The following SH3RF1 variants were observed in gnomAD, a reference collection of about 807,000 sequenced individuals.
SH3RF1 encodes the protein E3 ubiquitin-protein ligase SH3RF1.
SH3RF1 carries 32 observed loss-of-function variants against 74.0 expected under a neutral mutation model. The observed-to-expected ratio is 0.43, with a 90% CI of 0.33 to 0.58. The LOEUF is 0.58. Among genes scored for constraint, SH3RF1 ranks in the 20% least tolerant of loss-of-function variants. The probability of loss-of-function intolerance (pLI) is 0.05; values close to 1 mark genes in which losing one functional copy is unlikely to be tolerated. For missense variants in SH3RF1, 954 were observed against 1,130.9 expected, an observed-to-expected ratio of 0.84 and a Z score of 2.24; for synonymous variants, 396 against 439.6, an observed-to-expected ratio of 0.90 and a Z score of 1.24.
At chr4:169,167,006 G>C (rs1226619642) in intron 2 of SH3RF1, 1 of 214,504 alleles carries the variant, frequency 4.7e-6, no homozygotes, top group African/African-American at 2.3e-5. Flanking sequence ...TGATCAGAAA[G>C]CTGTGGACTC....
intron 2 of SH3RF1, among the ~76,000 whole-genome samples, chr4:169,251,354 G>C (rs1206360517): frequency 1.3e-5 from 2 of 152,172 alleles, no homozygotes; most frequent in Admixed American, 1.3e-4. Flanking sequence ...CAGTGACTTT[G>C]TTAGTCAGAA....
At chr4:169,270,634 C>A (rs761749208) in intron 1 of SH3RF1, 1 of 152,286 alleles carries the variant, frequency 6.6e-6, no homozygotes, top group Non-Finnish European at 1.5e-5. Context: ...CCCGGGGAGA[C>A]CGCGGCACGG....
At chr4:169,179,988 T>C (rs954759357) in intron 2 of SH3RF1, among the ~76,000 whole-genome samples, 12 of 152,226 alleles carry the variant, frequency 7.9e-5, no homozygotes, top group Non-Finnish European at 1.3e-4. Flanking sequence ...GGTGTGAATA[T>C]ATCAAACATC....
intron 5 of SH3RF1, among the ~76,000 whole-genome samples, chr4:169,132,949 G>A (rs919170273): frequency 2.0e-5 from 3 of 152,090 alleles, no homozygotes; most frequent in Admixed American, 2.0e-4. Context: ...CTGCCTATAA[G>A]TAATCTTTCA....
rs1033421512 is a variant in SH3RF1 at position 169,269,006 on chromosome 4, C to A, written c.207G>T (p.Leu69=). Reference sequence around the variant, plus strand: ...GTTTGATGCCATCCAGAAGTCTGACCAGCAAGATGTTACTGGGAAGCTCCT... The same window carrying A: ...GTTTGATGCCATCCAGAAGTCTGACAAGCAAGATGTTACTGGGAAGCTCCT... ...GVEELPSNIL[L]VRLLDGIKQR... Residue 69 remains leucine (L), a synonymous_variant, in exon 2 of 12, where the codon CTG becomes CTT. Coordinates refer to ENST00000284637, the MANE Select transcript of SH3RF1 (RefSeq NM_020870.4). 4.3e-6 allele frequency: 7 copies of A among 1,614,188 alleles called. No homozygotes were observed. Among genetic ancestry groups the A allele is most frequent in the Non-Finnish European group, 5.9e-6 (7 of 1,180,026 alleles).
chr4:169,167,839 C>T lies in SH3RF1; in HGVS notation c.394-11160G>A, dbSNP rs778362849. On this transcript the variant is annotated intron_variant, in intron 2 of 11. Transcript: ENST00000284637. ...ACCTACTAGATCGTACACTTAAGAA[C>T]TGTAATTCACACATACAAATTTTAC... 1.8e-4 allele frequency among the ~76,000 whole-genome samples: 28 copies of T among 152,186 alleles called. No homozygotes were observed. In the Middle Eastern group the frequency reaches 0.01, roughly 55 times the overall value.
chr4:169,102,488 A>C (rs1017333195), intron 11 of SH3RF1, among the ~76,000 whole-genome samples: 14 of 152,040 alleles, frequency 9.2e-5, no homozygotes, highest in Non-Finnish European at 2.1e-4. Flanking sequence ...GATAAAGATG[A>C]CTTGCTGTGT....
intron 2 of SH3RF1, among the ~76,000 whole-genome samples, chr4:169,170,916 A>G (rs1734318104): frequency 6.6e-6 from 1 of 152,254 alleles, no homozygotes; most frequent in South Asian, 2.1e-4. Flanking sequence ...GAGTGTTACA[A>G]AGAAGAAAGT....
intron 2 of SH3RF1, among the ~76,000 whole-genome samples, chr4:169,203,798 T>C (rs1345298093): frequency 2.6e-5 from 4 of 152,228 alleles, no homozygotes; most frequent in African/African-American, 9.6e-5. Context: ...CCCTACAAGA[T>C]ACTAGAGATC....
intron 4 of SH3RF1, among the ~76,000 whole-genome samples, chr4:169,145,120 G>T (rs920944332): frequency 6.6e-6 from 1 of 152,092 alleles, no homozygotes; most frequent in Non-Finnish European, 1.5e-5. Context: ...TTACTAAAAA[G>T]AAACCTGTAC....
intron 4 of SH3RF1, among the ~76,000 whole-genome samples, chr4:169,151,730 A>C (rs7666351): frequency 0.078 from 11,922 of 152,284 alleles, 718 homozygotes; most frequent in East Asian, 0.18. Context: ...CATCTATAGC[A>C]GAGGAGCAAG....
chr4:169,180,784 C>T (rs1734497443), intron 2 of SH3RF1, among the ~76,000 whole-genome samples: 1 of 152,120 alleles, frequency 6.6e-6, no homozygotes, highest in Non-Finnish European at 1.5e-5. Flanking sequence ...TCATAAACTT[C>T]AATATAAACA....
chr4:169,199,943 C>T (rs983412727), intron 2 of SH3RF1, among the ~76,000 whole-genome samples: 4 of 151,738 alleles, frequency 2.6e-5, no homozygotes, highest in African/African-American at 2.4e-5. Flanking sequence ...AAGAGGCACA[C>T]CTAAAACATA....
intron 2 of SH3RF1, among the ~76,000 whole-genome samples, chr4:169,262,903 G>A (rs1731302246): frequency 6.6e-6 from 1 of 152,092 alleles, no homozygotes; most frequent in Admixed American, 6.5e-5. Flanking sequence ...TAAAGGTCAG[G>A]GATGGGGCAG....
chr4:169,212,585 AG>A (rs757216117), intron 2 of SH3RF1, among the ~76,000 whole-genome samples: 7 of 152,262 alleles, frequency 4.6e-5, no homozygotes, highest in Non-Finnish European at 1.0e-4. Flanking sequence ...AAAACTGAGC[AG>A]GAAGTACAGA....
chr4:169,211,681 A>C (rs1730371956), intron 2 of SH3RF1, among the ~76,000 whole-genome samples: 1 of 152,052 alleles, frequency 6.6e-6, no homozygotes, highest in Non-Finnish European at 1.5e-5. Context: ...AAAAGGGGGG[A>C]AGTGTTATGA....
intron 2 of SH3RF1, among the ~76,000 whole-genome samples, chr4:169,196,005 G>A (rs932134086): frequency 6.6e-6 from 1 of 152,050 alleles, no homozygotes; most frequent in Non-Finnish European, 1.5e-5. Flanking sequence ...GTAGAGACAG[G>A]TTTTTGCCAT....
At chr4:169,260,023 G>C (rs1390297480) in intron 2 of SH3RF1, among the ~76,000 whole-genome samples, 5 of 152,168 alleles carry the variant, frequency 3.3e-5, no homozygotes, top group African/African-American at 9.7e-5. Context: ...CTAGAGAGGG[G>C]ATAGATTAAT....
chr4:169,201,824 G>C lies in SH3RF1; in HGVS notation c.394-45145C>G, dbSNP rs182791355. On this transcript the variant is annotated intron_variant, in intron 2 of 11. Coordinates refer to ENST00000284637, the MANE Select transcript of SH3RF1 (RefSeq NM_020870.4). ...ATTTACTATTAAAAATCCTGGGGAT[G>C]AGGTCTTAACACAGAAAACCCATCT... is the stretch of plus-strand genomic sequence containing the variant. 5 of 152,248 alleles carry C rather than the reference G, an allele frequency of 3.3e-5. No homozygotes were observed. The East Asian group carries it at 9.6e-4, about 29-fold the overall frequency. 9.4% of individuals were successfully genotyped at this position (152,248 alleles called of 1,614,324 possible). A position where few individuals can be genotyped will look rare whatever the true frequency, so the allele number is the denominator to read the frequency against.
Sources: gnomAD v4.1 joint callset for allele counts (sites outside exome capture counted in the v4.1 genomes callset) on GRCh38, gnomAD v4.1.1 for gene constraint, MANE v1.5 for transcripts, NCBI Gene and HGNC (gene_info 2026-07-23, HGNC 2026-07-21) for gene names.